Variants in TENM3 observed in about 807,000 individuals in gnomAD.
TENM3 encodes teneurin transmembrane protein 3.
In TENM3, 63 loss-of-function variants were observed where a neutral mutation model predicts 255.1. That is an observed-to-expected ratio of 0.25 (90% CI 0.20 to 0.30). The LOEUF is 0.30. Among genes scored for constraint, TENM3 ranks in the 10% least tolerant of loss-of-function variants. The probability of loss-of-function intolerance (pLI) is 1.00; values close to 1 mark genes in which losing one functional copy is unlikely to be tolerated. For missense variants in TENM3, 2,929 were observed against 3,461.1 expected, an observed-to-expected ratio of 0.85 and a Z score of 3.86; for synonymous variants, 1,306 against 1,322.3, an observed-to-expected ratio of 0.99 and a Z score of 0.27.
At chr4:181,916,253 A>C in the TENM3 span, among the ~76,000 whole-genome samples, 1,305 of 152,292 alleles carry the variant, frequency 8.6e-3, 13 homozygotes, top group African/African-American at 0.03. Flanking sequence ...TCTAGTTATA[A>C]CTTCAAGGCA....
At chr4:181,537,381 G>A in the TENM3 span, among the ~76,000 whole-genome samples, 1 of 152,136 alleles carries the variant, frequency 6.6e-6, no homozygotes, top group East Asian at 1.9e-4. Flanking sequence ...AGCGAGGCTA[G>A]CAGGGACGAA....
chr4:181,529,733 T>C, the TENM3 span, among the ~76,000 whole-genome samples: 4 of 152,200 alleles, frequency 2.6e-5, no homozygotes, highest in Non-Finnish European at 4.4e-5. Context: ...TAGCCTCCCT[T>C]GTGGCCAGGG....
chr4:181,607,077 A>G, the TENM3 span, among the ~76,000 whole-genome samples: 7 of 152,216 alleles, frequency 4.6e-5, no homozygotes, highest in African/African-American at 1.7e-4. Flanking sequence ...ACTTCCAGTT[A>G]TGCTTCGTAC....
intron 3 of TENM3, among the ~76,000 whole-genome samples, chr4:182,511,071 C>T (rs192611354): frequency 6.6e-6 from 1 of 152,266 alleles, no homozygotes; most frequent in Admixed American, 6.5e-5. Flanking sequence ...CCATTTGGGC[C>T]TGCCAGAGTT....
intron 3 of TENM3, among the ~76,000 whole-genome samples, chr4:182,478,189 T>G (rs1302051865): frequency 2.0e-5 from 3 of 152,100 alleles, no homozygotes; most frequent in African/African-American, 7.2e-5. Flanking sequence ...TTTGTAGTGT[T>G]GAAAATATTA....
At chr4:182,738,637 A>G in intron 18 of TENM3, 93 bp downstream of exon 18, 1 of 1,024,114 alleles carries the variant, frequency 9.8e-7, no homozygotes, top group Non-Finnish European at 1.4e-6. Context: ...TTGTAGCAAC[A>G]TTTTATGCTA....
At chr4:181,871,749 G>T in the TENM3 span, among the ~76,000 whole-genome samples, 4 of 152,028 alleles carry the variant, frequency 2.6e-5, no homozygotes, top group African/African-American at 7.2e-5. Flanking sequence ...TTCCTACTTT[G>T]TTAAGTGTGT....
the TENM3 span, among the ~76,000 whole-genome samples, chr4:181,735,561 T>C: frequency 6.6e-6 from 1 of 152,184 alleles, no homozygotes; most frequent in African/African-American, 2.4e-5. Flanking sequence ...TTTAGACATA[T>C]ATACAATAAG....
At chr4:182,501,536 C>T (rs1351179169) in intron 3 of TENM3, among the ~76,000 whole-genome samples, 1 of 151,984 alleles carries the variant, frequency 6.6e-6, no homozygotes, top group Non-Finnish European at 1.5e-5. Context: ...CATAGTAAAT[C>T]AAATAGCATT....
intron 2 of TENM3, among the ~76,000 whole-genome samples, chr4:182,337,885 C>T (rs1257085301): frequency 6.6e-6 from 1 of 152,132 alleles, no homozygotes; most frequent in East Asian, 1.9e-4. Context: ...CTGAGTACAT[C>T]CTGTATGACT....
chr4:182,118,778 C>T, the TENM3 span, among the ~76,000 whole-genome samples: 6 of 152,064 alleles, frequency 3.9e-5, no homozygotes, highest in South Asian at 1.2e-3. Flanking sequence ...ATTGTCGAAC[C>T]AGCCTTACAT....
At chr4:181,628,103 T>C in the TENM3 span, among the ~76,000 whole-genome samples, 2,792 of 152,332 alleles carry the variant, frequency 0.018, 92 homozygotes, top group African/African-American at 0.063. Flanking sequence ...ATGAGCATTT[T>C]TTCATGTGTC....
intron 3 of TENM3, among the ~76,000 whole-genome samples, chr4:182,577,906 G>T (rs1417866976): frequency 1.3e-5 from 2 of 151,970 alleles, no homozygotes; most frequent in Admixed American, 1.3e-4. Context: ...TCCTGAGGAG[G>T]ATTCCCATTT....
chr4:181,793,592 C>CA, the TENM3 span, among the ~76,000 whole-genome samples: 2,694 of 152,264 alleles, frequency 0.018, 63 homozygotes, highest in African/African-American at 0.061. Context: ...GTGGATACAA[C>CA]AAAATGCTTA....
At chr4:182,161,793 G>A (rs1468410692) in intron 1 of TENM3, among the ~76,000 whole-genome samples, 1 of 39,974 alleles carries the variant, frequency 2.5e-5, no homozygotes, top group Non-Finnish European at 4.3e-5. Context: ...ACAAATATAT[G>A]TATATATATA....
chr4:181,886,058 T>TTG, the TENM3 span, among the ~76,000 whole-genome samples: 2 of 148,900 alleles, frequency 1.3e-5, no homozygotes, highest in African/African-American at 4.9e-5. Flanking sequence ...GTTTTTTTTT[T>TTG]TTTTTTTTTT....
the TENM3 span, among the ~76,000 whole-genome samples, chr4:182,073,035 A>G: frequency 6.6e-6 from 1 of 152,346 alleles, no homozygotes; most frequent in African/African-American, 2.4e-5. Context: ...CTGTTCTCAC[A>G]CTGCTATAAA....
chr4:181,951,269 T>G, the TENM3 span, among the ~76,000 whole-genome samples: 1 of 152,166 alleles, frequency 6.6e-6, no homozygotes, highest in East Asian at 1.9e-4. Flanking sequence ...AACAAAAACT[T>G]GCATATGGGT....
rs568812956 is a variant in TENM3, at chr4:182,447,655, G to C, written c.511+100726G>C. On this transcript the variant is annotated intron_variant, in intron 3 of 27. Transcript: ENST00000511685. ...AGTATTAATTTTTTGGTTTGGGTCT[G>C]TATTTAGAAGGTAGTTAAAATATGG... Among the ~76,000 whole-genome samples the C allele has an allele frequency of 8.5e-5, 13 of 152,294 alleles. No individual in the cohort carries two copies. The South Asian group carries it at 2.7e-3, about 32-fold the overall frequency.
Sources: allele counts gnomAD v4.1 joint callset (sites outside exome capture counted in the v4.1 genomes callset), GRCh38; gene constraint gnomAD v4.1.1; transcripts MANE v1.5; gene names NCBI Gene and HGNC (gene_info 2026-07-23, HGNC 2026-07-21).